Variants in GRID2 observed in about 807,000 individuals in gnomAD.
The protein encoded by GRID2 is glutamate receptor ionotropic, delta-2.
A neutral mutation model predicts 114.8 loss-of-function variants in GRID2; 33 were observed. The ratio of observed to expected loss-of-function variants is 0.29; its 90% confidence interval spans 0.22 to 0.38. GRID2 has a LOEUF of 0.38. Ranked by LOEUF, GRID2 falls within the 10% of genes least tolerant of loss-of-function variation. The pLI is 1.00. For synonymous variants in GRID2, 505 were observed against 449.9 expected, an observed-to-expected ratio of 1.12 and a Z score of -1.55; for missense variants, 1,184 against 1,257.7, an observed-to-expected ratio of 0.94 and a Z score of 0.89.
At chr4:93,548,755 C>T (rs1733481187) in intron 13 of GRID2, among the ~76,000 whole-genome samples, 1 of 152,152 alleles carries the variant, frequency 6.6e-6, no homozygotes, top group Admixed American at 6.5e-5. Flanking sequence ...TCTAAAGTCA[C>T]AGTATGCCCA....
rs142250193 is a variant in GRID2, at chr4:93,707,007, G to A, written c.2361-62203G>A. Reference sequence around the variant, plus strand: ...TTCTGTTAATATGATGTATCACATTGATTGGTTTATGTGTGTTGATCTATC... The same window carrying A: ...TTCTGTTAATATGATGTATCACATTAATTGGTTTATGTGTGTTGATCTATC... On this transcript the variant is annotated intron_variant, in intron 14 of 15. Transcript: ENST00000282020. Among the ~76,000 whole-genome samples, 701 of 152,156 alleles carry A rather than the reference G, an allele frequency of 4.6e-3. 6 individuals carry two copies. Among genetic ancestry groups the A allele is most frequent in the African/African-American group, 0.016 (660 of 41,538 alleles).
chr4:92,415,742 A>ATGTG (rs1177484628), intron 1 of GRID2, among the ~76,000 whole-genome samples: 1 of 31,700 alleles, frequency 3.2e-5, no homozygotes, highest in Non-Finnish European at 5.7e-5. Flanking sequence ...GTATGTGTGT[A>ATGTG]TATATATATA....
intron 4 of GRID2, among the ~76,000 whole-genome samples, chr4:93,131,540 T>C (rs565613253): frequency 6.6e-6 from 1 of 151,856 alleles, no homozygotes; most frequent in Non-Finnish European, 1.5e-5. Context: ...TATATTTATT[T>C]ATTTGTAATA....
intron 1 of GRID2, among the ~76,000 whole-genome samples, chr4:92,393,574 T>C (rs751560688): frequency 5.9e-5 from 9 of 152,172 alleles, no homozygotes; most frequent in Non-Finnish European, 1.3e-4. Flanking sequence ...AGGAAATATT[T>C]GCCCTATATA....
At chr4:93,154,833 C>G (rs1198185576) in intron 4 of GRID2, among the ~76,000 whole-genome samples, 3 of 151,844 alleles carry the variant, frequency 2.0e-5, no homozygotes. Flanking sequence ...ATTCTGCCTA[C>G]TCGTATTCCT....
intron 5 of GRID2, among the ~76,000 whole-genome samples, chr4:93,210,617 G>A (rs1400921311): frequency 6.6e-6 from 1 of 151,962 alleles, no homozygotes; most frequent in Admixed American, 6.6e-5. Flanking sequence ...TTGACCATGA[G>A]AACAACATGA....
At chr4:93,199,678 T>C (rs1741869931) in intron 4 of GRID2, among the ~76,000 whole-genome samples, 1 of 152,080 alleles carries the variant, frequency 6.6e-6, no homozygotes, top group Admixed American at 6.6e-5. Flanking sequence ...CAGAAGACAG[T>C]TGAGGATCCA....
chr4:93,611,859 C>T (rs1416191696), intron 13 of GRID2, among the ~76,000 whole-genome samples: 1 of 151,684 alleles, frequency 6.6e-6, no homozygotes, highest in East Asian at 1.9e-4. Context: ...AGTTCAATTC[C>T]TGGGTATCCT....
chr4:93,119,869 T>C (rs1341145655), intron 4 of GRID2, among the ~76,000 whole-genome samples: 1 of 152,232 alleles, frequency 6.6e-6, no homozygotes, highest in Non-Finnish European at 1.5e-5. Context: ...GAAGTGTCTG[T>C]TCATAGCCTT....
intron 2 of GRID2, among the ~76,000 whole-genome samples, chr4:92,969,615 C>T (rs145923277): frequency 5.5e-4 from 83 of 151,674 alleles, no homozygotes; most frequent in Non-Finnish European, 7.8e-4. Flanking sequence ...TTCCTCATAA[C>T]GCTATGAGAC....
chr4:92,550,964 CA>C (rs1726555196), intron 1 of GRID2, among the ~76,000 whole-genome samples: 1 of 152,068 alleles, frequency 6.6e-6, no homozygotes, highest in African/African-American at 2.4e-5. Flanking sequence ...TCTCCATAAA[CA>C]ATTAAAAACC....
intron 2 of GRID2, among the ~76,000 whole-genome samples, chr4:93,021,641 T>C (rs1289841907): frequency 2.1e-5 from 3 of 145,280 alleles, no homozygotes; most frequent in African/African-American, 7.4e-5. Flanking sequence ...CACTATATTA[T>C]AAATATAATT....
At chr4:93,717,535 G>T (rs1033030326) in intron 14 of GRID2, among the ~76,000 whole-genome samples, 3 of 152,000 alleles carry the variant, frequency 2.0e-5, no homozygotes, top group South Asian at 4.1e-4. Context: ...AAATATATTT[G>T]CTGTAGTGTT....
intron 3 of GRID2, among the ~76,000 whole-genome samples, chr4:93,095,998 T>C (rs1018657355): frequency 1.3e-5 from 2 of 151,972 alleles, no homozygotes; most frequent in African/African-American, 4.8e-5. Flanking sequence ...TCAAGGCTTT[T>C]TTGATATTGG....
At chr4:92,793,311 C>T (rs1395594198) in intron 2 of GRID2, among the ~76,000 whole-genome samples, 2 of 151,564 alleles carry the variant, frequency 1.3e-5, no homozygotes, top group East Asian at 3.9e-4. Flanking sequence ...TTAAATATTC[C>T]AATGGATTTG....
intron 1 of GRID2, among the ~76,000 whole-genome samples, chr4:92,396,699 T>C (rs1161057433): frequency 1.3e-5 from 2 of 152,004 alleles, no homozygotes; most frequent in African/African-American, 4.8e-5. Context: ...CAAGACAATA[T>C]CTTTTATGAA....
intron 2 of GRID2, among the ~76,000 whole-genome samples, chr4:92,620,792 T>C (rs941600411): frequency 5.6e-5 from 8 of 143,296 alleles, no homozygotes; most frequent in African/African-American, 2.1e-4. Context: ...GGGACTGTTG[T>C]GGGGTGGGGG....
chr4:93,019,898 A>C (rs1723120325), intron 2 of GRID2, among the ~76,000 whole-genome samples: 1 of 152,206 alleles, frequency 6.6e-6, no homozygotes, highest in Non-Finnish European at 1.5e-5. Flanking sequence ...CAAATTAAAA[A>C]AACTTTTAAA....
At chr4:92,374,935 C>A (rs1192271799) in intron 1 of GRID2, among the ~76,000 whole-genome samples, 1 of 152,026 alleles carries the variant, frequency 6.6e-6, no homozygotes, top group Non-Finnish European at 1.5e-5. Flanking sequence ...TGTAAACATA[C>A]CATACCTGAG....
Sources: gnomAD v4.1 joint callset for allele counts (sites outside exome capture counted in the v4.1 genomes callset) on GRCh38, gnomAD v4.1.1 for gene constraint, MANE v1.5 for transcripts, NCBI Gene and HGNC (gene_info 2026-07-23, HGNC 2026-07-21) for gene names.